BTF3: variants seen among roughly 807,000 people sequenced by gnomAD.
The protein encoded by BTF3 is basic transcription factor 3.
Under a neutral mutation model 23.9 loss-of-function variants are expected in BTF3, and 12 were observed. The ratio of observed to expected loss-of-function variants is 0.50; its 90% CI spans 0.32 to 0.81. BTF3 has a LOEUF of 0.81. Among genes scored for constraint, BTF3 ranks in the 40% least tolerant of loss-of-function variants. The probability of loss-of-function intolerance (pLI) is 0.03; values close to 1 mark genes in which losing one functional copy is unlikely to be tolerated. For synonymous variants in BTF3, 96 were observed against 94.8 expected, an observed-to-expected ratio of 1.01 and a Z score of -0.07; for missense variants, 215 against 255.9, an observed-to-expected ratio of 0.84 and a Z score of 1.09.
At chr5:73,503,726 A>G (rs953663030) in intron 4 of BTF3, among the ~76,000 whole-genome samples, 3 of 152,104 alleles carry the variant, frequency 2.0e-5, no homozygotes, top group African/African-American at 7.2e-5. Flanking sequence ...ATCTGCCTCA[A>G]TTTTCATTTT....
chr5:73,498,853 A>G, intron 1 of BTF3, 54 bp downstream of exon 1: 1 of 1,469,886 alleles, frequency 6.8e-7, no homozygotes, highest in South Asian at 1.3e-5. Flanking sequence ...GGCTAGGCCG[A>G]GGCCAGGCCA....
At chr5:73,502,691 T>A (rs371134597) in intron 3 of BTF3, 90 bp downstream of exon 3, 4 of 691,534 alleles carry the variant, frequency 5.8e-6, no homozygotes, top group Admixed American at 3.4e-5. Flanking sequence ...TTTTTTTTTT[T>A]AACTTAGGGA....
intron 3 of BTF3, 121 bp downstream of exon 3, chr5:73,502,722 G>A: frequency 1.2e-6 from 1 of 832,234 alleles, no homozygotes; most frequent in Non-Finnish European, 1.8e-6. Context: ...CCTAAGATGT[G>A]TTTCTACCAT....
rs767250561 is a variant in BTF3 at position 73,502,552 on chromosome 5, A to G, written c.266A>G (p.Gln89Arg). ...GCCACAGCAGATGACAAAAAACTTC[A>G]GTTCTCCTTAAAGAAGTTAGGGGTA... ...RTATADDKKL[Q>R]FSLKKLGVNN... Residue 89 changes from glutamine to arginine, a missense_variant, in exon 3 of 6, where the codon CAG becomes CGG. By Grantham distance (43) the Gln-to-Arg change is conservative. Around this residue, in one of 2 missense-constraint regions of BTF3, gnomAD observed 99 missense variants for 171.2 expected, o/e 0.58. Coordinates refer to ENST00000380591, the MANE Select transcript of BTF3 (RefSeq NM_001037637.2). 1.2e-6 allele frequency: 2 copies of G among 1,610,300 alleles called. No homozygotes were observed. The highest frequency in any genetic ancestry group is 3.4e-5 in the Admixed American group (2 of 58,652).
chr5:73,498,607 G>A lies in BTF3; in HGVS notation c.-61G>A. The A allele has an allele frequency of 1.4e-6, 2 of 1,423,768 alleles. No homozygotes were observed. Among genetic ancestry groups the A allele is most frequent in the Non-Finnish European group, 9.1e-7 (1 of 1,097,438 alleles). 88.2% of individuals were successfully genotyped at this position (1,423,768 alleles called of 1,614,324 possible). ...GCGTGGTAGGAGGACGGGAGCGGGG[G>A]CGGGAAGTTCCCTGAAGGAGCGAGA... On this transcript the variant is annotated 5_prime_UTR_variant, in exon 1 of 6. Coordinates refer to ENST00000380591, the MANE Select transcript of BTF3 (RefSeq NM_001037637.2).
At chr5:73,500,355 C>G (rs545921985) in intron 2 of BTF3, among the ~76,000 whole-genome samples, 83 of 152,102 alleles carry the variant, frequency 5.5e-4, no homozygotes, top group Admixed American at 2.2e-3. Flanking sequence ...CTCTTACTTT[C>G]AGTACAGTTT....
chr5:73,499,263 CAT>C (rs770634932), intron 2 of BTF3, 61 bp downstream of exon 2: 2 of 1,539,662 alleles, frequency 1.3e-6, no homozygotes, highest in Admixed American at 1.7e-5. Context: ...TTTTAAAAAA[CAT>C]ATTCCTTTTG....
chr5:73,500,898 C>T (rs1046908339), intron 2 of BTF3, among the ~76,000 whole-genome samples: 1 of 148,238 alleles, frequency 6.7e-6, no homozygotes, highest in Non-Finnish European at 1.5e-5. Context: ...GATTTTTGTA[C>T]TTAATAGTTT....
chr5:73,505,323 G>C lies in BTF3; in HGVS notation c.*85G>C. 1.6e-6 allele frequency: 2 copies of C among 1,261,656 alleles called. No homozygotes were observed. The highest frequency in any genetic ancestry group is 2.2e-6 in the Non-Finnish European group (2 of 894,548). 78.2% of individuals were successfully genotyped at this position (1,261,656 alleles called of 1,614,324 possible). A position where few individuals can be genotyped will look rare whatever the true frequency, so the allele number is the denominator to read the frequency against. On this transcript the variant is annotated 3_prime_UTR_variant, in exon 6 of 6. Coordinates refer to ENST00000380591, the MANE Select transcript of BTF3 (RefSeq NM_001037637.2). ...TATGACTGCTTTTTAAGAAATTTTT[G>C]TTTATGGATCTGATAAAATCTAGAT...
chr5:73,502,515 G>A lies in BTF3; in HGVS notation c.229G>A (p.Val77Ile). 2 of 1,606,386 alleles carry A rather than the reference G, an allele frequency of 1.2e-6. No individual in the cohort carries two copies. The highest frequency in any genetic ancestry group is 1.1e-5 in the South Asian group (1 of 88,950). The change falls in exon 3 of 6, where the codon GTT becomes ATT. Residue 77 changes from valine to isoleucine, a missense_variant. Val to Ile is a conservative substitution (Grantham distance 29, BLOSUM62 3). Transcript: ENST00000380591. ...KGTARRKKKV[V>I]HRTATADDKK... ...AACTGCTCGCAGAAAGAAGAAGGTG[G>A]TTCATAGAACAGCCACAGCAGATGA...
chr5:73,501,407 T>C (rs1367276393), intron 2 of BTF3, among the ~76,000 whole-genome samples: 1 of 152,182 alleles, frequency 6.6e-6, no homozygotes. Flanking sequence ...AGATGGATGA[T>C]AAAATGTATT....
In BTF3 at chr5:73,498,484, T is replaced by C; in HGVS notation, c.-184T>C. On this transcript the variant is annotated 5_prime_UTR_variant, in exon 1 of 6. Transcript: ENST00000380591. ...TGCGTCCCCGCGTGTGTGCGCCTAA[T>C]CTCAGGTGGTCCACCCGAGACCCCT... The C allele has an allele frequency of 2.6e-6, 2 of 776,542 alleles. No homozygotes were observed. Among genetic ancestry groups the C allele is most frequent in the South Asian group, 6.0e-5 (2 of 33,214 alleles). The allele number at this position is 776,542 out of a possible 1,614,324, so 48.1% of individuals were successfully genotyped here.
intron 4 of BTF3, 150 bp downstream of exon 4, chr5:73,503,267 C>T: frequency 1.2e-6 from 1 of 813,426 alleles, no homozygotes; most frequent in Non-Finnish European, 1.9e-6. Flanking sequence ...AGCAACTGTC[C>T]TTGCTCAAGT....
At position 73,505,187 on chromosome 5, in the gene BTF3, C is replaced by G. The variant is rs192661247; in HGVS notation, c.575-5C>G. The G allele has an allele frequency of 1.5e-4, 242 of 1,608,266 alleles. 4 individuals are homozygous for G. The East Asian group carries it at 4.2e-3, about 28-fold the overall frequency. The stretch of plus-strand genomic sequence containing the variant: ...TAAGAATTTCTACTCTTTTCCTTTT[C>G]CTAGATCTTGTGGAGAATTTTGATG... On this transcript the variant is annotated splice_region_variant and splice_polypyrimidine_tract_variant and intron_variant, in intron 5 of 5. Coordinates refer to ENST00000380591, the MANE Select transcript of BTF3 (RefSeq NM_001037637.2).
At chr5:73,504,583 G>C (rs703882) in intron 5 of BTF3, 180 bp downstream of exon 5, 255,218 of 447,948 alleles carry the variant, frequency 0.57, 76,885 homozygotes, top group South Asian at 0.73. Flanking sequence ...GACTTGACTT[G>C]GCTTGTTTCT....
chr5:73,505,107 G>T, intron 5 of BTF3, 85 bp from the exon 6 acceptor site: 4 of 1,053,080 alleles, frequency 3.8e-6, no homozygotes, highest in East Asian at 2.5e-5. Context: ...GCAAATGAAT[G>T]TCTTTCCTTC....
intron 2 of BTF3, among the ~76,000 whole-genome samples, chr5:73,502,121 G>T (rs978790422): frequency 4.3e-5 from 6 of 138,000 alleles, no homozygotes; most frequent in Non-Finnish European, 9.0e-5. Flanking sequence ...CCGAGATTGC[G>T]CCACTCCAGC....
At chr5:73,500,043 T>G (rs976252120) in intron 2 of BTF3, among the ~76,000 whole-genome samples, 4 of 152,254 alleles carry the variant, frequency 2.6e-5, no homozygotes, top group African/African-American at 9.6e-5. Flanking sequence ...TTCCCAACTT[T>G]AAGCGTTTAA....
At chr5:73,499,057 G>T (rs1487493056) in intron 1 of BTF3, 77 bp from the exon 2 acceptor site, 5 of 1,440,572 alleles carry the variant, frequency 3.5e-6, no homozygotes, top group Admixed American at 4.3e-5. Flanking sequence ...TTTCCTGCTG[G>T]TATCTTGGGA....
Sources: gnomAD v4.1 joint callset for allele counts (sites outside exome capture counted in the v4.1 genomes callset) on GRCh38, gnomAD v4.1.1 for gene constraint, gnomAD v4.1.1 regional missense constraint, MANE v1.5 for transcripts, NCBI Gene and HGNC (gene_info 2026-07-23, HGNC 2026-07-21) for gene names.